Variants in ENTHD1 observed in about 807,000 individuals in gnomAD.
ENTHD1 encodes the protein ENTH domain containing 1.
ENTHD1 carries 23 observed loss-of-function variants against 39.1 expected under a neutral mutation model. That is an observed-to-expected ratio of 0.59 (90% CI 0.42 to 0.83). ENTHD1 has a LOEUF of 0.83. ENTHD1 is among the 40% of genes least tolerant of loss of function. The pLI, the probability that ENTHD1 is intolerant of heterozygous loss-of-function variation, is 0.00. For missense variants in ENTHD1, 624 were observed against 705.4 expected, an observed-to-expected ratio of 0.88 and a Z score of 1.31; for synonymous variants, 230 against 258.2, an observed-to-expected ratio of 0.89 and a Z score of 1.05.
chr22:39,807,289 G>T (rs546631790), intron 5 of ENTHD1, among the ~76,000 whole-genome samples: 2 of 152,014 alleles, frequency 1.3e-5, no homozygotes, highest in African/African-American at 4.8e-5. Flanking sequence ...TTTTTCAGAC[G>T]CAATAAAAAC....
At chr22:39,865,386 G>A (rs1345321149) in intron 2 of ENTHD1, among the ~76,000 whole-genome samples, 3 of 151,992 alleles carry the variant, frequency 2.0e-5, no homozygotes, top group Admixed American at 2.0e-4. Flanking sequence ...AGAGATACTA[G>A]ATACTAGCCT....
intron 6 of ENTHD1, among the ~76,000 whole-genome samples, chr22:39,761,755 C>T (rs2065234860): frequency 1.3e-5 from 2 of 151,960 alleles, no homozygotes; most frequent in African/African-American, 4.8e-5. Flanking sequence ...ATTTATCTTT[C>T]AGCTCCAGAA....
chr22:39,784,234 G>C (rs1186198155), intron 5 of ENTHD1, among the ~76,000 whole-genome samples: 1 of 152,058 alleles, frequency 6.6e-6, no homozygotes, highest in Non-Finnish European at 1.5e-5. Context: ...GTTATCCAAA[G>C]ACGGGCAGTA....
rs576617497 is a variant in ENTHD1 at position 39,806,288 on chromosome 22, A to G, written c.832+14705T>C. Among the ~76,000 whole-genome samples, 55 of 152,332 alleles carry G rather than the reference A, an allele frequency of 3.6e-4. No individual in the cohort carries two copies. In the South Asian group the frequency reaches 8.9e-3, roughly 25 times the overall value. ...TGTTTTGAGCACTTCCTCCTTTTCA[A>G]TAGACTCTCTTTAGCTAATGTTAAC... is the stretch of plus-strand genomic sequence containing the variant. On this transcript the variant is annotated intron_variant, in intron 5 of 6. Transcript: ENST00000325157.
rs1051981741 is a variant in ENTHD1 at position 39,743,935 on chromosome 22, T to C, written c.1568A>G (p.Gln523Arg). Residue 523 changes from glutamine to arginine, a missense_variant, in exon 7 of 7, where the codon CAG (glutamine) becomes CGG (arginine). Physicochemically the swap from Gln to Arg is conservative, Grantham distance 43. Transcript: ENST00000325157. Reference sequence around the variant, plus strand: ...ACCAGAACAGGACAGAGGGATGAACTGGTCTACATTTTGGGTGGAAAACTC... The same window carrying C: ...ACCAGAACAGGACAGAGGGATGAACCGGTCTACATTTTGGGTGGAAAACTC... ...WGEFSTQNVD[Q>R]FIPLSCSGFQ... 2 of 1,614,068 alleles carry C rather than the reference T, an allele frequency of 1.2e-6. No homozygotes were observed. The highest frequency in any genetic ancestry group is 2.7e-5 in the African/African-American group (2 of 74,940).
rs576386538 is a variant in ENTHD1 at position 39,778,326 on chromosome 22, A to G, written c.833-12717T>C. On this transcript the variant is annotated intron_variant, in intron 5 of 6. Coordinates refer to ENST00000325157, the MANE Select transcript of ENTHD1 (RefSeq NM_152512.4). ...ATGATGCATTCTCTTGAACCTGCCAATTCTAGGAAGGGGGGTATTTGAGAT... is the reference window on the plus strand; with the variant it reads ...ATGATGCATTCTCTTGAACCTGCCAGTTCTAGGAAGGGGGGTATTTGAGAT... Among the ~76,000 whole-genome samples the G allele has an allele frequency of 3.9e-5, 6 of 152,296 alleles. No homozygotes were observed. The East Asian group carries it at 5.8e-4, about 15-fold the overall frequency.
intron 3 of ENTHD1, among the ~76,000 whole-genome samples, chr22:39,856,636 C>CT (rs1204313291): frequency 6.6e-6 from 1 of 152,010 alleles, no homozygotes; most frequent in East Asian, 1.9e-4. Flanking sequence ...TTTAGAACAT[C>CT]TTTTTTGTGA....
At chr22:39,747,024 C>G (rs1462615971) in intron 6 of ENTHD1, among the ~76,000 whole-genome samples, 1 of 152,180 alleles carries the variant, frequency 6.6e-6, no homozygotes, top group Non-Finnish European at 1.5e-5. Flanking sequence ...GGACCTTGCT[C>G]TGTCACCCAG....
At chr22:39,787,405 C>T (rs1601594022) in intron 5 of ENTHD1, among the ~76,000 whole-genome samples, 1 of 152,096 alleles carries the variant, frequency 6.6e-6, no homozygotes, top group African/African-American at 2.4e-5. Flanking sequence ...AAGAGAAAAA[C>T]AATTAAGCTT....
intron 4 of ENTHD1, among the ~76,000 whole-genome samples, chr22:39,823,462 A>G (rs941003671): frequency 6.6e-6 from 1 of 152,162 alleles, no homozygotes; most frequent in Non-Finnish European, 1.5e-5. Flanking sequence ...CTCCCACTTC[A>G]GCCTCCCAAG....
chr22:39,761,160 T>A (rs929681189), intron 6 of ENTHD1, among the ~76,000 whole-genome samples: 1 of 152,156 alleles, frequency 6.6e-6, no homozygotes, highest in Non-Finnish European at 1.5e-5. Flanking sequence ...TTTATTCACT[T>A]GAATTAAGTC....
chr22:39,783,055 G>A (rs747199431), intron 5 of ENTHD1, among the ~76,000 whole-genome samples: 2 of 152,096 alleles, frequency 1.3e-5, no homozygotes, highest in Non-Finnish European at 2.9e-5. Context: ...AAAATTGTTA[G>A]AACTTATTAA....
At chr22:39,878,705 CAG>C (rs2066310725) in intron 2 of ENTHD1, among the ~76,000 whole-genome samples, 1 of 151,794 alleles carries the variant, frequency 6.6e-6, no homozygotes, top group South Asian at 2.1e-4. Context: ...TTTAGAGAAA[CAG>C]AAAATGATAA....
chr22:39,814,504 T>A lies in ENTHD1; in HGVS notation c.832+6489A>T, dbSNP rs560977805. On this transcript the variant is annotated intron_variant, in intron 5 of 6. Transcript: ENST00000325157. ...CAAAACATTCCTGATGAAAGAAAAG[T>A]CATCAAGAATTATTACAAAGGTGGC... is the stretch of plus-strand genomic sequence containing the variant. Among the ~76,000 whole-genome samples the A allele has an allele frequency of 1.6e-3, 251 of 152,136 alleles. 1 individual carries two copies. The highest frequency in any genetic ancestry group is 6.0e-3 in the African/African-American group (248 of 41,508).
At chr22:39,820,589 C>T (rs1401366140) in intron 5 of ENTHD1, among the ~76,000 whole-genome samples, 1 of 152,110 alleles carries the variant, frequency 6.6e-6, no homozygotes, top group Admixed American at 6.6e-5. Context: ...CTGTGCCTTT[C>T]TCTAATGTTA....
chr22:39,776,669 T>G (rs145221714), intron 5 of ENTHD1, among the ~76,000 whole-genome samples: 2 of 152,150 alleles, frequency 1.3e-5, no homozygotes, highest in African/African-American at 4.8e-5. Context: ...TGAAAATGAC[T>G]GAAGTAGGAA....
At chr22:39,875,208 C>T in intron 2 of ENTHD1, 1 of 847,026 alleles carries the variant, frequency 1.2e-6, no homozygotes, top group Non-Finnish European at 1.5e-6. Context: ...TTGAGAGAAG[C>T]CAGAAACTGA....
At chr22:39,856,865 A>AAG (rs1569169783) in intron 3 of ENTHD1, among the ~76,000 whole-genome samples, 4 of 149,314 alleles carry the variant, frequency 2.7e-5, no homozygotes, top group Admixed American at 6.6e-5. Flanking sequence ...AAAAAAAAAA[A>AAG]AAAGAAAGAA....
intron 4 of ENTHD1, among the ~76,000 whole-genome samples, chr22:39,826,766 G>A (rs1257356827): frequency 6.6e-6 from 1 of 151,844 alleles, no homozygotes; most frequent in Admixed American, 6.6e-5. Flanking sequence ...ACTTGTAGGA[G>A]GGGTAGAGGA....
Sources: gnomAD v4.1 joint callset for allele counts (sites outside exome capture counted in the v4.1 genomes callset) on GRCh38, gnomAD v4.1.1 for gene constraint, MANE v1.5 for transcripts, NCBI Gene and HGNC (gene_info 2026-07-23, HGNC 2026-07-21) for gene names.